The following FBXL17 variants were observed in gnomAD, a reference collection of about 807,000 sequenced individuals.
FBXL17 encodes the protein F-box/LRR-repeat protein 17.
Under a neutral mutation model 66.2 loss-of-function variants are expected in FBXL17, and 22 were observed. The ratio of observed to expected loss-of-function variants is 0.33; its 90% CI spans 0.24 to 0.47. FBXL17 has a LOEUF of 0.47. Among genes scored for constraint, FBXL17 ranks in the 20% least tolerant of loss-of-function variants. The probability of loss-of-function intolerance (pLI) is 1.00; values close to 1 mark genes in which losing one functional copy is unlikely to be tolerated. For missense variants in FBXL17, 878 were observed against 948.2 expected (o/e 0.93, Z 0.97); for synonymous variants, 474 against 400.5 (o/e 1.18, Z -2.19).
chr5:108,234,397 A>T (rs756816791), intron 4 of FBXL17, among the ~76,000 whole-genome samples: 3 of 152,170 alleles, frequency 2.0e-5, no homozygotes, highest in Non-Finnish European at 4.4e-5. Flanking sequence ...CACTTAATGG[A>T]TTGACTTCCT....
intron 7 of FBXL17, among the ~76,000 whole-genome samples, chr5:107,903,565 T>C (rs1297727465): frequency 1.3e-5 from 2 of 152,162 alleles, no homozygotes; most frequent in Non-Finnish European, 2.9e-5. Flanking sequence ...AGTCATGCAG[T>C]TAGTCAGCGG....
At chr5:107,894,006 A>G (rs1488978208) in intron 7 of FBXL17, among the ~76,000 whole-genome samples, 2 of 152,166 alleles carry the variant, frequency 1.3e-5, no homozygotes, top group Non-Finnish European at 2.9e-5. Flanking sequence ...AAGCAAATAG[A>G]GTAAATTAGA....
At chr5:108,200,692 G>GA (rs369586492) in intron 5 of FBXL17, among the ~76,000 whole-genome samples, 3,275 of 140,568 alleles carry the variant, frequency 0.023, 106 homozygotes, top group African/African-American at 0.071. Flanking sequence ...GCTTTTTCTT[G>GA]AAAAAAAAAA....
At chr5:108,341,643 C>G (rs1044717724) in intron 4 of FBXL17, among the ~76,000 whole-genome samples, 1 of 152,046 alleles carries the variant, frequency 6.6e-6, no homozygotes, top group Non-Finnish European at 1.5e-5. Flanking sequence ...TTCTTATTAC[C>G]TAGAGACTTT....
chr5:107,859,390 G>GTTTTTTTTTTTTT lies in FBXL17; in HGVS notation c.*2317_*2329dup, dbSNP rs549840338. 1.2e-4 allele frequency: 7 copies of GTTTTTTTTTTTTT among 60,184 alleles called. No homozygotes were observed. Among genetic ancestry groups the GTTTTTTTTTTTTT allele is most frequent in the Non-Finnish European group, 1.7e-4 (6 of 35,006 alleles). The allele number at this position is 60,184 out of a possible 1,614,324, so 3.7% of individuals were successfully genotyped here. A position where few individuals can be genotyped will look rare whatever the true frequency, so the allele number is the denominator to read the frequency against. ...CTCAAGGTGATGCTTTTTTCTGGCT[G>GTTTTTTTTTTTTT]TTTTTTTTTTTTTTTTTTTTTTTTT... On this transcript the variant is annotated 3_prime_UTR_variant, in exon 9 of 9. Transcript: ENST00000542267.
At chr5:108,224,739 G>A (rs548895283) in intron 4 of FBXL17, among the ~76,000 whole-genome samples, 1 of 152,038 alleles carries the variant, frequency 6.6e-6, no homozygotes, top group African/African-American at 2.4e-5. Flanking sequence ...CTACAAGCAT[G>A]CATCACCACA....
At chr5:108,327,393 T>C (rs908481687) in intron 4 of FBXL17, among the ~76,000 whole-genome samples, 8 of 152,206 alleles carry the variant, frequency 5.3e-5, no homozygotes, top group Non-Finnish European at 1.2e-4. Flanking sequence ...GCAAACTGAC[T>C]TGAGTTTTCT....
At chr5:108,019,797 C>A (rs1465093125) in intron 7 of FBXL17, among the ~76,000 whole-genome samples, 1 of 151,610 alleles carries the variant, frequency 6.6e-6, no homozygotes, top group East Asian at 1.9e-4. Context: ...AACCAGAAAA[C>A]AAACAACGTA....
At chr5:108,002,408 A>T (rs1213883528) in intron 7 of FBXL17, among the ~76,000 whole-genome samples, 1 of 152,004 alleles carries the variant, frequency 6.6e-6, no homozygotes, top group Non-Finnish European at 1.5e-5. Context: ...ATTTTTTCCC[A>T]CTTCAACAGA....
chr5:108,366,516 T>G (rs1748674195), intron 2 of FBXL17, among the ~76,000 whole-genome samples: 1 of 151,958 alleles, frequency 6.6e-6, no homozygotes, highest in South Asian at 2.1e-4. Flanking sequence ...TACCTCTCCT[T>G]TTATTTTTTA....
chr5:108,321,335 G>T (rs1039333406), intron 4 of FBXL17, among the ~76,000 whole-genome samples: 6 of 151,772 alleles, frequency 4.0e-5, no homozygotes, highest in African/African-American at 1.5e-4. Flanking sequence ...TTATTCTGCT[G>T]CTTCTTTGAG....
At chr5:107,904,501 C>T (rs1749687593) in intron 7 of FBXL17, among the ~76,000 whole-genome samples, 1 of 152,138 alleles carries the variant, frequency 6.6e-6, no homozygotes, top group Non-Finnish European at 1.5e-5. Context: ...TCTGTTACAT[C>T]ATCTGATATA....
chr5:108,253,592 A>C (rs1756451186), intron 4 of FBXL17, among the ~76,000 whole-genome samples: 1 of 152,080 alleles, frequency 6.6e-6, no homozygotes, highest in Non-Finnish European at 1.5e-5. Flanking sequence ...TGACTCCCCT[A>C]CTCAGCCCAT....
At chr5:108,295,056 T>C (rs990457273) in intron 4 of FBXL17, among the ~76,000 whole-genome samples, 2 of 152,094 alleles carry the variant, frequency 1.3e-5, no homozygotes, top group East Asian at 1.9e-4. Context: ...TAGAGTGACA[T>C]TACTTTAACA....
chr5:107,914,008 T>A (rs1168516036), intron 7 of FBXL17, among the ~76,000 whole-genome samples: 7 of 151,466 alleles, frequency 4.6e-5, no homozygotes. Context: ...CTTCACACAA[T>A]GATATAAGTA....
chr5:108,278,594 G>A (rs557463362), intron 4 of FBXL17, among the ~76,000 whole-genome samples: 32 of 152,322 alleles, frequency 2.1e-4, no homozygotes, highest in South Asian at 6.2e-4. Flanking sequence ...GGACTGAGTT[G>A]CAGGCCAGGC....
At chr5:107,878,989 G>C in intron 8 of FBXL17, 1 of 985,448 alleles carries the variant, frequency 1.0e-6, no homozygotes, top group Non-Finnish European at 1.2e-6. Context: ...AACCCTCAGG[G>C]ATACAGCTAA....
intron 7 of FBXL17, among the ~76,000 whole-genome samples, chr5:107,952,288 A>T (rs964858584): frequency 6.6e-6 from 1 of 152,158 alleles, no homozygotes; most frequent in Admixed American, 6.6e-5. Context: ...ATAGAAACTG[A>T]ATTTTTTTGT....
chr5:108,251,916 A>G (rs1756371644), intron 4 of FBXL17, among the ~76,000 whole-genome samples: 1 of 151,896 alleles, frequency 6.6e-6, no homozygotes, highest in Admixed American at 6.6e-5. Context: ...ATTAATTTTA[A>G]CCACTTCCCA....
Sources: allele counts gnomAD v4.1 joint callset (sites outside exome capture counted in the v4.1 genomes callset), GRCh38; gene constraint gnomAD v4.1.1; transcripts MANE v1.5; gene names NCBI Gene and HGNC (gene_info 2026-07-23, HGNC 2026-07-21).